The following RBFOX3 variants were observed in gnomAD, a reference collection of about 807,000 sequenced individuals.
RBFOX3 encodes the protein RNA binding fox-1 homolog 3, also known as RNA binding protein fox-1 homolog 3.
RBFOX3 carries 17 observed loss-of-function variants against 48.7 expected under a neutral mutation model. The observed-to-expected ratio is 0.35, with a 90% CI of 0.24 to 0.52. RBFOX3 has a LOEUF of 0.52. Among genes scored for constraint, RBFOX3 ranks in the 20% least tolerant of loss-of-function variants. The probability of loss-of-function intolerance (pLI) is 0.94; values close to 1 mark genes in which losing one functional copy is unlikely to be tolerated. For synonymous variants in RBFOX3, 212 were observed against 209.5 expected (o/e 1.01, Z -0.10); for missense variants, 382 against 497.5 (o/e 0.77, Z 2.21).
Position 79,475,694 on chromosome 17 carries a change from GCACA to G in RBFOX3, c.-175+6756_-175+6759del, listed in dbSNP as rs771984633. ...CGTGCACACATGTACACACACAAATGCACACACACACAGGAAGGTCGTGCGCGAC... is the reference window on the plus strand; with the variant it reads ...CGTGCACACATGTACACACACAAATGCACACACAGGAAGGTCGTGCGCGAC... On this transcript the variant is annotated intron_variant, in intron 2 of 14. Coordinates refer to ENST00000693108, the MANE Select transcript of RBFOX3 (RefSeq NM_001350451.2). 1.9e-3 allele frequency among the ~76,000 whole-genome samples: 289 copies of G among 152,150 alleles called. 1 individual carries two copies. The highest frequency in any genetic ancestry group is 3.6e-3 in the Non-Finnish European group (247 of 67,964).
chr17:79,325,950 T>A (rs1402771639), intron 2 of RBFOX3, among the ~76,000 whole-genome samples: 1 of 152,178 alleles, frequency 6.6e-6, no homozygotes, highest in East Asian at 1.9e-4. Flanking sequence ...CCAACTGCAC[T>A]TTCAGAGGGG....
rs1568178170 is a variant in RBFOX3, at chr17:79,397,496, A to ACC, written c.-175+84957_-175+84958insGG. 5.5e-3 allele frequency among the ~76,000 whole-genome samples: 800 copies of ACC among 145,558 alleles called. 14 individuals are homozygous for ACC. Among genetic ancestry groups the ACC allele is most frequent in the African/African-American group, 0.013 (505 of 40,198 alleles). The stretch of plus-strand genomic sequence containing the variant: ...CAACAGAGGAGGACTCCATCCCCAA[A>ACC]AAAAAAAAAAAAGTGCGACCCCCAC... On this transcript the variant is annotated intron_variant, in intron 2 of 14. Coordinates refer to ENST00000693108, the MANE Select transcript of RBFOX3 (RefSeq NM_001350451.2).
chr17:79,384,663 C>G (rs187099362), intron 2 of RBFOX3, among the ~76,000 whole-genome samples: 1 of 152,208 alleles, frequency 6.6e-6, no homozygotes, highest in Non-Finnish European at 1.5e-5. Flanking sequence ...GTTGATGCCT[C>G]GGGAAGTCCA....
the RBFOX3 span, among the ~76,000 whole-genome samples, chr17:79,621,370 G>A: frequency 1.3e-5 from 2 of 152,184 alleles, no homozygotes; most frequent in Admixed American, 6.5e-5. Flanking sequence ...GGGGGAAACC[G>A]TTGAGCAGGA....
chr17:79,439,378 T>C (rs2070326556), intron 2 of RBFOX3, among the ~76,000 whole-genome samples: 1 of 152,232 alleles, frequency 6.6e-6, no homozygotes, highest in Non-Finnish European at 1.5e-5. Context: ...GGTAACGTAC[T>C]GCAAATCTCA....
intron 2 of RBFOX3, among the ~76,000 whole-genome samples, chr17:79,338,371 G>A (rs1189968888): frequency 5.3e-5 from 8 of 149,678 alleles, no homozygotes; most frequent in African/African-American, 1.5e-4. Flanking sequence ...GCCCTGAGCC[G>A]AGAATATCAG....
chr17:79,533,413 C>G (rs2088167137), intron 1 of RBFOX3, among the ~76,000 whole-genome samples: 1 of 152,236 alleles, frequency 6.6e-6, no homozygotes, highest in South Asian at 2.1e-4. Flanking sequence ...CCCCTCCGTG[C>G]TCAACATAAA....
At chr17:79,377,059 G>C (rs931608233) in intron 2 of RBFOX3, among the ~76,000 whole-genome samples, 14 of 152,070 alleles carry the variant, frequency 9.2e-5, no homozygotes, top group Non-Finnish European at 1.8e-4. Flanking sequence ...AACCGCAGTG[G>C]GCAAAACACC....
rs1376344264 is a variant in RBFOX3 at position 79,195,065 on chromosome 17, A to G, written c.-34+40701T>C. On this transcript the variant is annotated intron_variant, in intron 4 of 14. Coordinates refer to ENST00000693108, the MANE Select transcript of RBFOX3 (RefSeq NM_001350451.2). This position sits in a 1 kb window ranked among gnomAD's most constrained non-coding sequence, Gnocchi z 5.3. ...CCGACATCAGCTCACTATCATCCCC[A>G]TTGCCTGCGCGGTGCCTGGCCACGG... is the stretch of plus-strand genomic sequence containing the variant. 6.6e-6 allele frequency among the ~76,000 whole-genome samples: 1 copy of G among 151,882 alleles called. No homozygotes were observed. Among genetic ancestry groups the G allele is most frequent in the Non-Finnish European group, 1.5e-5 (1 of 67,976 alleles).
chr17:79,487,740 T>A (rs1427242509), intron 1 of RBFOX3, among the ~76,000 whole-genome samples: 4 of 151,818 alleles, frequency 2.6e-5, no homozygotes, highest in Non-Finnish European at 5.9e-5. Flanking sequence ...TGAAACCCTG[T>A]CTTTACTAAA....
At position 79,097,449 on chromosome 17, in the gene RBFOX3, C is replaced by T; in HGVS notation, c.623-25G>A. On this transcript the variant is annotated intron_variant, in intron 10 of 14. Coordinates refer to ENST00000693108, the MANE Select transcript of RBFOX3 (RefSeq NM_001350451.2). ...ACTGCAGGAAACGGGGCCCGAGACACGTGTGAGAGGCACAAGGGGACCCAC... is the reference window on the plus strand; with the variant it reads ...ACTGCAGGAAACGGGGCCCGAGACATGTGTGAGAGGCACAAGGGGACCCAC... 11 of 1,526,858 alleles carry T rather than the reference C, an allele frequency of 7.2e-6. No individual in the cohort carries two copies. In the South Asian group the frequency reaches 9.8e-5, roughly 14 times the overall value. The allele number at this position is 1,526,858 out of a possible 1,614,324, so 94.6% of individuals were successfully genotyped here. A position where few individuals can be genotyped will look rare whatever the true frequency, so the allele number is the denominator to read the frequency against.
At position 79,362,437 on chromosome 17, in the gene RBFOX3, G is replaced by A. The variant is rs1019824289; in HGVS notation, c.-174-54613C>T. 6.6e-6 allele frequency among the ~76,000 whole-genome samples: 1 copy of A among 151,816 alleles called. No individual in the cohort carries two copies. The highest frequency in any genetic ancestry group is 1.5e-5 in the Non-Finnish European group (1 of 67,946). ...GGCATGGGGAGAGGATCACCCAGGG[G>A]ACCAGGGGGTGGGGGTGGCGGTGGG... On this transcript the variant is annotated intron_variant, in intron 2 of 14. Transcript: ENST00000693108. This position sits in a 1 kb window ranked among gnomAD's most constrained non-coding sequence, Gnocchi z 4.2.
chr17:79,094,393 C>T, intron 14 of RBFOX3, 58 bp downstream of exon 14: 4 of 1,323,072 alleles, frequency 3.0e-6, no homozygotes, highest in Non-Finnish European at 4.1e-6. Flanking sequence ...AGGGCCTCAC[C>T]ACCCATGCCC....
chr17:79,128,063 G>C (rs560444899), intron 4 of RBFOX3, among the ~76,000 whole-genome samples: 1 of 152,232 alleles, frequency 6.6e-6, no homozygotes, highest in Non-Finnish European at 1.5e-5. Flanking sequence ...AGATGTCTGG[G>C]CACAGCAGCG....
chr17:79,097,897 G>C, intron 9 of RBFOX3, 152 bp from the exon 10 acceptor site: 1 of 729,692 alleles, frequency 1.4e-6, no homozygotes, highest in Non-Finnish European at 2.4e-6. Context: ...CACACTGCCC[G>C]GACAAGTGCT....
chr17:79,410,059 C>T (rs1488207543), intron 2 of RBFOX3, among the ~76,000 whole-genome samples: 7 of 152,240 alleles, frequency 4.6e-5, no homozygotes, highest in Non-Finnish European at 8.8e-5. Context: ...CCCGCCTGCT[C>T]CTCTCCACTG....
intron 4 of RBFOX3, among the ~76,000 whole-genome samples, chr17:79,136,790 G>T (rs1453375710): frequency 1.3e-5 from 2 of 152,176 alleles, no homozygotes; most frequent in Non-Finnish European, 2.9e-5. Context: ...TCTCATCTGA[G>T]CCTGCTCTGC....
At chr17:79,162,757 G>A (rs1450005431) in intron 4 of RBFOX3, among the ~76,000 whole-genome samples, 6 of 152,172 alleles carry the variant, frequency 3.9e-5, no homozygotes, top group East Asian at 3.9e-4. Context: ...GTGGGCGGGC[G>A]GGGGTCTCCC....
chr17:79,585,326 C>T (rs1381311869), intron 1 of RBFOX3, among the ~76,000 whole-genome samples: 19 of 151,910 alleles, frequency 1.3e-4, no homozygotes, highest in Admixed American at 9.2e-4. Context: ...GAGGCTGAGG[C>T]GGGTGCATCA....
Sources: allele counts gnomAD v4.1 joint callset (sites outside exome capture counted in the v4.1 genomes callset), GRCh38; gene constraint gnomAD v4.1.1; non-coding constraint Gnocchi (gnomAD v3.1); transcripts MANE v1.5; gene names NCBI Gene and HGNC (gene_info 2026-07-23, HGNC 2026-07-21).